The following SLC2A5 variants were observed in gnomAD, a reference collection of about 807,000 sequenced individuals.
SLC2A5 encodes solute carrier family 2, facilitated glucose transporter member 5.
Under a neutral mutation model 50.3 loss-of-function variants are expected in SLC2A5, and 56 were observed. The observed-to-expected ratio is 1.11, with a 90% CI of 0.90 to 1.39. The LOEUF (loss-of-function observed/expected upper bound fraction) is 1.39. Among genes scored for constraint, SLC2A5 ranks in the 40% most tolerant of loss-of-function variants. The pLI, the probability that SLC2A5 is intolerant of heterozygous loss-of-function variation, is 0.00. For missense variants in SLC2A5, 566 were observed against 650.1 expected, an observed-to-expected ratio of 0.87 and a Z score of 1.41; for synonymous variants, 269 against 281.9, an observed-to-expected ratio of 0.95 and a Z score of 0.46.
At chr1:9,076,144 C>T (rs1261029295) in intron 2 of SLC2A5, among the ~76,000 whole-genome samples, 1 of 151,860 alleles carries the variant, frequency 6.6e-6, no homozygotes. Flanking sequence ...TTAGTAGAGG[C>T]GGGGTTTCGC....
upstream of SLC2A5, among the ~76,000 whole-genome samples, chr1:9,093,313 A>G (rs1046101247): frequency 3.3e-5 from 5 of 152,126 alleles, no homozygotes; most frequent in Non-Finnish European, 5.9e-5. Flanking sequence ...TTTTTCTCTC[A>G]AGAAAACAGA....
At chr1:9,053,056 T>TA (rs1160749559) in intron 3 of SLC2A5, among the ~76,000 whole-genome samples, 29 of 95,068 alleles carry the variant, frequency 3.1e-4, no homozygotes, top group East Asian at 7.1e-4. Context: ...TATTAATATA[T>TA]AATATATATT....
intron 1 of SLC2A5, among the ~76,000 whole-genome samples, chr1:9,066,852 C>A (rs901185891): frequency 1.3e-5 from 2 of 151,970 alleles, no homozygotes; most frequent in Admixed American, 6.6e-5. Context: ...GTGCTACATG[C>A]CTGTAGTCCC....
At position 9,084,724 on chromosome 1, in the gene SLC2A5, A is replaced by G. The variant is rs148890859; in HGVS notation, c.-59+290T>C. Among the ~76,000 whole-genome samples, 214 of 152,248 alleles carry G rather than the reference A, an allele frequency of 1.4e-3. 1 individual carries two copies. Among genetic ancestry groups the G allele is most frequent in the African/African-American group, 5.1e-3 (211 of 41,554 alleles). On this transcript the variant is annotated intron_variant, in intron 2 of 5. Transcript: ENST00000464985. ...CCAGCAGCCCTATGGGGGCAGCCACACCATGTGAGCATCGGCCACACCCTT... is the reference window on the plus strand; with the variant it reads ...CCAGCAGCCCTATGGGGGCAGCCACGCCATGTGAGCATCGGCCACACCCTT...
At chr1:9,092,695 A>G (rs1250843924), upstream of SLC2A5, among the ~76,000 whole-genome samples, 1 of 152,186 alleles carries the variant, frequency 6.6e-6, no homozygotes, top group Non-Finnish European at 1.5e-5. Context: ...CTCCAAATTA[A>G]TAACAGAAAT....
At chr1:9,072,589 G>T (rs1354146978), upstream of SLC2A5, among the ~76,000 whole-genome samples, 1 of 151,986 alleles carries the variant, frequency 6.6e-6, no homozygotes, top group Non-Finnish European at 1.5e-5. Flanking sequence ...GGATATTTAG[G>T]ATGGAAAATT....
At chr1:9,082,282 C>T (rs1377385800) in intron 2 of SLC2A5, among the ~76,000 whole-genome samples, 1 of 152,132 alleles carries the variant, frequency 6.6e-6, no homozygotes, top group Non-Finnish European at 1.5e-5. Context: ...AAAACATGTA[C>T]TCAAGCGAAT....
chr1:9,090,165 A>G (rs1279313474), upstream of SLC2A5, among the ~76,000 whole-genome samples: 1 of 152,146 alleles, frequency 6.6e-6, no homozygotes, highest in African/African-American at 2.4e-5. Context: ...ACTAGGGGGA[A>G]TCATTCATTT....
intron 1 of SLC2A5, 96 bp downstream of exon 1, chr1:9,069,408 C>T: frequency 1.5e-6 from 2 of 1,299,792 alleles, no homozygotes; most frequent in Non-Finnish European, 2.2e-6. Flanking sequence ...GTTCCCTCTG[C>T]AACACCAGGA....
At chr1:9,047,525 A>G (rs563526278) in intron 4 of SLC2A5, 85 bp downstream of exon 4, 2 of 1,426,358 alleles carry the variant, frequency 1.4e-6, no homozygotes, top group Non-Finnish European at 1.9e-6. Flanking sequence ...TTCAGACATC[A>G]CAGATTGGTT....
intron 1 of SLC2A5, among the ~76,000 whole-genome samples, chr1:9,060,170 CA>C (rs1641887638): frequency 6.8e-6 from 1 of 148,024 alleles, no homozygotes; most frequent in Non-Finnish European, 1.5e-5. Flanking sequence ...CTACACACTA[CA>C]TACACAATAC....
At chr1:9,058,336 C>A in intron 1 of SLC2A5, 86 bp from the exon 2 acceptor site, 1 of 910,248 alleles carries the variant, frequency 1.1e-6, no homozygotes. Context: ...AAAGATGTAA[C>A]AGAATCTGAA....
upstream of SLC2A5, chr1:9,073,087 C>G (rs942253268): frequency 1.3e-5 from 2 of 152,332 alleles, no homozygotes; most frequent in East Asian, 3.9e-4. Flanking sequence ...ACAAAGCAAG[C>G]TGGCACATCT....
chr1:9,050,608 A>C (rs1641545997), intron 3 of SLC2A5, among the ~76,000 whole-genome samples: 1 of 152,122 alleles, frequency 6.6e-6, no homozygotes, highest in Non-Finnish European at 1.5e-5. Flanking sequence ...AAAACTATAA[A>C]ACTCCTAGAA....
At chr1:9,086,001 A>C (rs1642397075) in intron 1 of SLC2A5, among the ~76,000 whole-genome samples, 1 of 152,188 alleles carries the variant, frequency 6.6e-6, no homozygotes, top group Non-Finnish European at 1.5e-5. Context: ...AACAAGAATA[A>C]GTCTTCCCTC....
chr1:9,074,441 G>T (rs1305400189), upstream of SLC2A5, among the ~76,000 whole-genome samples: 1 of 152,066 alleles, frequency 6.6e-6, no homozygotes, highest in African/African-American at 2.4e-5. Context: ...AAGAGAAAAG[G>T]TACAAGTAGA....
chr1:9,059,985 T>TAC (rs35876125), intron 1 of SLC2A5, among the ~76,000 whole-genome samples: 14,858 of 141,392 alleles, frequency 0.11, 1,509 homozygotes, highest in African/African-American at 0.28. Context: ...AAAAACATAC[T>TAC]ACACACACAC....
At chr1:9,051,597 C>T (rs1569862477) in intron 3 of SLC2A5, among the ~76,000 whole-genome samples, 2 of 152,180 alleles carry the variant, frequency 1.3e-5, no homozygotes, top group South Asian at 4.2e-4. Context: ...AATAAGGTAC[C>T]ACCTGTCAGA....
In SLC2A5 at chr1:9,049,241, A is replaced by G. The variant is rs559729026; in HGVS notation, c.294-1507T>C. The G allele has an allele frequency of 8.8e-6, 4 of 455,376 alleles. No homozygotes were observed. In the East Asian group the frequency reaches 2.1e-4, roughly 24 times the overall value. The allele number at this position is 455,376 out of a possible 1,614,324, so 28.2% of individuals were successfully genotyped here. On this transcript the variant is annotated intron_variant, in intron 3 of 11. Transcript: ENST00000377424. ...TCCTAAACACTGAGAAACTTGCCACACGTGAGAGCCGCTTATACTAACAGC... is the reference window on the plus strand; with the variant it reads ...TCCTAAACACTGAGAAACTTGCCACGCGTGAGAGCCGCTTATACTAACAGC...
Sources: gnomAD v4.1 joint callset for allele counts (sites outside exome capture counted in the v4.1 genomes callset) on GRCh38, gnomAD v4.1.1 for gene constraint, MANE v1.5 for transcripts, NCBI Gene and HGNC (gene_info 2026-07-23, HGNC 2026-07-21) for gene names.